Variants in OTOF observed in about 807,000 individuals in gnomAD.
OTOF encodes the protein fer-1-like family member 2.
In OTOF, 218 loss-of-function variants were observed where a neutral mutation model predicts 236.8. That is an observed-to-expected ratio of 0.92 (90% confidence interval 0.82 to 1.03). OTOF has a LOEUF of 1.03. OTOF is among the 50% of genes least tolerant of loss of function. The pLI is 0.00. For missense variants in OTOF, 2,590 were observed against 2,694.4 expected, an observed-to-expected ratio of 0.96 and a Z score of 0.86; for synonymous variants, 1,041 against 1,072.5, an observed-to-expected ratio of 0.97 and a Z score of 0.57.
At chr2:26,511,202 C>A (rs1666380673) in intron 5 of OTOF, among the ~76,000 whole-genome samples, 1 of 152,336 alleles carries the variant, frequency 6.6e-6, no homozygotes, top group African/African-American at 2.4e-5. Context: ...TGGGAGCTCC[C>A]AGGCTCTGGG....
chr2:26,519,597 G>A (rs1666625563), intron 3 of OTOF, among the ~76,000 whole-genome samples: 1 of 152,200 alleles, frequency 6.6e-6, no homozygotes, highest in Admixed American at 6.5e-5. Context: ...GCAGGAACCT[G>A]TGTGATGGCA....
At chr2:26,465,531 C>G in intron 38 of OTOF, 141 bp downstream of exon 38, 1 of 850,556 alleles carries the variant, frequency 1.2e-6, no homozygotes, top group Non-Finnish European at 1.9e-6. Context: ...AGACTGTGCC[C>G]AGGGACTGTA....
intron 1 of OTOF, among the ~76,000 whole-genome samples, chr2:26,545,142 G>A (rs1558526860): frequency 6.6e-6 from 1 of 152,052 alleles, no homozygotes; most frequent in East Asian, 1.9e-4. Context: ...AAAAATTTCA[G>A]TTGTTCCATC....
At chr2:26,504,551 T>A (rs1449856785) in intron 5 of OTOF, among the ~76,000 whole-genome samples, 7 of 152,206 alleles carry the variant, frequency 4.6e-5, no homozygotes, top group Non-Finnish European at 7.4e-5. Flanking sequence ...AATTCCCCTT[T>A]CCCCCAACCC....
At chr2:26,497,223 C>T (rs531326209) in intron 8 of OTOF, among the ~76,000 whole-genome samples, 1 of 151,930 alleles carries the variant, frequency 6.6e-6, no homozygotes, top group South Asian at 2.1e-4. Context: ...CAGACTCAGC[C>T]TCCCGAGTAG....
intron 5 of OTOF, among the ~76,000 whole-genome samples, chr2:26,511,601 C>T (rs530270385): frequency 6.6e-5 from 10 of 152,344 alleles, no homozygotes; most frequent in Non-Finnish European, 8.8e-5. Flanking sequence ...TGCAGTCCAG[C>T]GCTGGCCAGC....
In OTOF at chr2:26,457,782, A is replaced by AAGAG; in HGVS notation, c.*452_*455dup. ...GGGTGGCGCCTCAGCCAGGTGGGGCAAGAGAGACCCATTCCAGGTCCCCAC... is the reference window on the plus strand; with the variant it reads ...GGGTGGCGCCTCAGCCAGGTGGGGCAAGAGAGAGAGACCCATTCCAGGTCCCCAC... On this transcript the variant is annotated 3_prime_UTR_variant, in exon 47 of 47. Transcript: ENST00000272371. This position sits in a 1 kb window ranked among gnomAD's most constrained non-coding sequence, Gnocchi z 4.4. 2.0e-6 allele frequency: 1 copy of AAGAG among 502,600 alleles called. No individual in the cohort carries two copies. The highest frequency in any genetic ancestry group is 3.6e-6 in the Non-Finnish European group (1 of 281,328). 31.1% of individuals were successfully genotyped at this position (502,600 alleles called of 1,614,324 possible). A position where few individuals can be genotyped will look rare whatever the true frequency, so the allele number is the denominator to read the frequency against.
chr2:26,512,751 C>T (rs113476440), intron 5 of OTOF, among the ~76,000 whole-genome samples: 258 of 152,180 alleles, frequency 1.7e-3, no homozygotes, highest in African/African-American at 5.5e-3. Flanking sequence ...AGGTGCTGCT[C>T]GGGGTAGAAG....
At chr2:26,554,299 T>C (rs531833411) in intron 1 of OTOF, among the ~76,000 whole-genome samples, 21 of 152,202 alleles carry the variant, frequency 1.4e-4, no homozygotes, top group African/African-American at 4.8e-4. Context: ...TCCAGTCCCT[T>C]GATCCTCCTT....
At position 26,532,602 on chromosome 2, in the gene OTOF, C is replaced by G. The variant is rs887639513; in HGVS notation, c.139-4682G>C. ...GACAGACACAGACCTGGAATAGCAGCCTGGGATAGGACTGTTGACAGAAGC... is the reference window on the plus strand; with the variant it reads ...GACAGACACAGACCTGGAATAGCAGGCTGGGATAGGACTGTTGACAGAAGC... On this transcript the variant is annotated intron_variant, in intron 2 of 46. Coordinates refer to ENST00000272371, the MANE Select transcript of OTOF (RefSeq NM_194248.3). 2.6e-5 allele frequency among the ~76,000 whole-genome samples: 4 copies of G among 152,236 alleles called. 1 individual carries two copies. Among genetic ancestry groups the G allele is most frequent in the Admixed American group, 2.6e-4 (4 of 15,298 alleles).
Position 26,461,655 on chromosome 2 carries a change from A to C in OTOF, c.5533+41T>G, listed in dbSNP as rs201576661. The C allele has an allele frequency of 2.5e-6, 4 of 1,611,456 alleles. No individual in the cohort carries two copies. Among genetic ancestry groups the C allele is most frequent in the African/African-American group, 1.3e-5 (1 of 74,958 alleles). On this transcript the variant is annotated intron_variant, in intron 43 of 46. Transcript: ENST00000272371. The surrounding 1 kb of genome is among the most constrained non-coding windows in gnomAD (Gnocchi z 6.2). ...GCCAACCCGGCCCCTGCCTCTTCTC[A>C]GTTCTGGATCCTGAACCCCCATCCC... is the stretch of plus-strand genomic sequence containing the variant.
In OTOF at chr2:26,477,349, G is replaced by C. The variant is rs527548571; in HGVS notation, c.2407-61C>G. The C allele has an allele frequency of 8.1e-5, 129 of 1,586,626 alleles. No individual in the cohort carries two copies. Among genetic ancestry groups the C allele is most frequent in the Non-Finnish European group, 1.1e-4 (128 of 1,163,432 alleles). On this transcript the variant is annotated intron_variant, in intron 20 of 46. Coordinates refer to ENST00000272371, the MANE Select transcript of OTOF (RefSeq NM_194248.3). The surrounding 1 kb of genome is among the most constrained non-coding windows in gnomAD (Gnocchi z 4.7). ...GGGGGACAGCTCGGGCCATGACAAA[G>C]GGGGTTGTGACACCTTCTCACAACC... is the stretch of plus-strand genomic sequence containing the variant.
rs1489856616 is a variant in OTOF, at chr2:26,460,662, G to T, written c.5798C>A (p.Pro1933His). 2 of 1,613,882 alleles carry T rather than the reference G, an allele frequency of 1.2e-6. No homozygotes were observed. Among genetic ancestry groups the T allele is most frequent in the South Asian group, 1.1e-5 (1 of 91,078 alleles). Residue 1933 changes from proline (P) to histidine (H), a missense_variant, in exon 45 of 47, where the codon CCC (proline) becomes CAC (histidine). Around this residue, in one of 2 missense-constraint regions of OTOF, gnomAD observed 1,211 missense variants for 1,352.8 expected, o/e 0.90. Transcript: ENST00000272371. This position sits in a 1 kb window ranked among gnomAD's most constrained non-coding sequence, Gnocchi z 5.3. The stretch of plus-strand genomic sequence containing the variant: ...GGGCACTCACTTGGGTTTCTCTAGG[G>T]GGTCAGGTTCATTGCGGGCCAGGCC... Reference protein sequence around the residue: ...PVGLARNEPDPLEKPNRPDTS... With the variant: ...PVGLARNEPDHLEKPNRPDTS...
chr2:26,544,246 A>G (rs1401898781), intron 1 of OTOF, among the ~76,000 whole-genome samples: 2 of 152,172 alleles, frequency 1.3e-5, no homozygotes, highest in African/African-American at 4.8e-5. Context: ...AAATTCAATG[A>G]GTTTCAATAA....
chr2:26,473,048 C>A lies in OTOF; in HGVS notation c.3733+84G>T. ...TCGGCCCCAAAGAGCAAACTCTGGT[C>A]GCGGCTTGGACTGGGCGGAGACCTG... On this transcript the variant is annotated intron_variant, in intron 29 of 46. Coordinates refer to ENST00000272371, the MANE Select transcript of OTOF (RefSeq NM_194248.3). The surrounding 1 kb of genome is among the most constrained non-coding windows in gnomAD (Gnocchi z 7.2). 2 of 1,427,066 alleles carry A rather than the reference C, an allele frequency of 1.4e-6. No individual in the cohort carries two copies. Among genetic ancestry groups the A allele is most frequent in the Non-Finnish European group, 1.9e-6 (2 of 1,038,692 alleles). 88.4% of individuals were successfully genotyped at this position (1,427,066 alleles called of 1,614,324 possible).
At chr2:26,556,548 G>C (rs1326836520) in intron 1 of OTOF, among the ~76,000 whole-genome samples, 1 of 152,144 alleles carries the variant, frequency 6.6e-6, no homozygotes, top group African/African-American at 2.4e-5. Context: ...AGAGAGCAAG[G>C]GTTGCAAATA....
intron 8 of OTOF, among the ~76,000 whole-genome samples, chr2:26,496,337 C>A (rs745516547): frequency 6.6e-6 from 1 of 151,034 alleles, no homozygotes; most frequent in Middle Eastern, 3.2e-3. Flanking sequence ...TGGGTTCAAG[C>A]GATTCTTCTG....
intron 8 of OTOF, among the ~76,000 whole-genome samples, chr2:26,496,216 C>T (rs544711688): frequency 8.0e-5 from 12 of 150,878 alleles, no homozygotes; most frequent in Non-Finnish European, 4.4e-5. Flanking sequence ...CCTTGTGGAG[C>T]TTACCACAAA....
In OTOF at chr2:26,477,589, G is replaced by C. The variant is rs1665377930; in HGVS notation, c.2315+60C>G. 1.2e-6 allele frequency: 2 copies of C among 1,604,572 alleles called. No homozygotes were observed. The highest frequency in any genetic ancestry group is 2.7e-5 in the African/African-American group (2 of 74,740). On this transcript the variant is annotated intron_variant, in intron 19 of 46. Transcript: ENST00000272371. The surrounding 1 kb of genome is among the most constrained non-coding windows in gnomAD (Gnocchi z 4.7). ...CTTCCTCATCTGCCCAGCCCTGGCA[G>C]GGTCCCCTTTGTCCAGTTCCGCCTC... is the stretch of plus-strand genomic sequence containing the variant.
Sources: allele counts gnomAD v4.1 joint callset (sites outside exome capture counted in the v4.1 genomes callset), GRCh38; gene constraint gnomAD v4.1.1; regional missense constraint gnomAD v4.1.1; non-coding constraint Gnocchi (gnomAD v3.1); transcripts MANE v1.5; gene names NCBI Gene and HGNC (gene_info 2026-07-23, HGNC 2026-07-21).